SULF1: variants seen among roughly 807,000 people sequenced by gnomAD.
SULF1 encodes extracellular sulfatase Sulf-1.
SULF1 carries 46 observed loss-of-function variants against 110.5 expected under a neutral mutation model. That is an observed-to-expected ratio of 0.42 (90% confidence interval 0.33 to 0.53). SULF1 has a LOEUF of 0.53. SULF1 is among the 20% of genes least tolerant of loss of function. The pLI is 0.12. For missense variants in SULF1, 941 were observed against 1,094.2 expected (o/e 0.86, Z 1.98); for synonymous variants, 371 against 387.1 (o/e 0.96, Z 0.49).
intron 3 of SULF1, among the ~76,000 whole-genome samples, chr8:69,525,062 C>T (rs1005669545): frequency 6.6e-6 from 1 of 152,202 alleles, no homozygotes; most frequent in Non-Finnish European, 1.5e-5. Context: ...AGTGAACTTA[C>T]TTCAATGATA....
intron 13 of SULF1, among the ~76,000 whole-genome samples, chr8:69,605,934 C>T (rs992757007): frequency 6.6e-6 from 1 of 152,170 alleles, no homozygotes; most frequent in African/African-American, 2.4e-5. Flanking sequence ...ACTCAGGCCA[C>T]TTGCTGCCTT....
chr8:69,485,654 C>A (rs561480787), intron 1 of SULF1, among the ~76,000 whole-genome samples: 2 of 152,322 alleles, frequency 1.3e-5, no homozygotes, highest in African/African-American at 4.8e-5. Context: ...CCTCTGCAGT[C>A]GGCTTGTGTC....
intron 1 of SULF1, among the ~76,000 whole-genome samples, chr8:69,470,579 G>T (rs1054626147): frequency 4.0e-5 from 6 of 151,828 alleles, no homozygotes; most frequent in African/African-American, 1.2e-4. Context: ...TACCATCCCA[G>T]CGCAATGATC....
At chr8:69,627,725 G>C in intron 16 of SULF1, 47 bp from the exon 17 acceptor site, 1 of 1,300,460 alleles carries the variant, frequency 7.7e-7, no homozygotes, top group Non-Finnish European at 1.1e-6. Context: ...ACTTTGTAAA[G>C]AAAATCCTGA....
In SULF1 at chr8:69,629,499, A is replaced by T; in HGVS notation, c.2109-5A>T. The T allele has an allele frequency of 6.2e-7, 1 of 1,609,088 alleles. No individual in the cohort carries two copies. Among genetic ancestry groups the T allele is most frequent in the Non-Finnish European group, 8.5e-7 (1 of 1,178,004 alleles). Reference sequence around the variant, plus strand: ...CACTCAAAATAATCCCTTCTCTTGGAACAGGGAGGCTGCTCAGGAAGTAGA... The same window carrying T: ...CACTCAAAATAATCCCTTCTCTTGGTACAGGGAGGCTGCTCAGGAAGTAGA... On this transcript the variant is annotated splice_polypyrimidine_tract_variant and splice_region_variant and intron_variant, in intron 18 of 22. Transcript: ENST00000402687.
At chr8:69,490,762 G>C (rs774120172), upstream of SULF1, among the ~76,000 whole-genome samples, 1 of 150,744 alleles carries the variant, frequency 6.6e-6, no homozygotes, top group Non-Finnish European at 1.5e-5. Context: ...TTTCTAAGCT[G>C]TATGACCAGA....
rs112094498 is a variant in SULF1, at chr8:69,643,305, A to G, written c.2585+2464A>G. Among the ~76,000 whole-genome samples, 1,036 of 152,364 alleles carry G rather than the reference A, an allele frequency of 6.8e-3. 16 individuals are homozygous for G. The highest frequency in any genetic ancestry group is 0.024 in the African/African-American group (997 of 41,590). ...ACAAGTATGTACAGAAATGCCAGGAAAACTACTGTCTTCCAATGGGGTTCA... is the reference window on the plus strand; with the variant it reads ...ACAAGTATGTACAGAAATGCCAGGAGAACTACTGTCTTCCAATGGGGTTCA... On this transcript the variant is annotated intron_variant, in intron 22 of 22. Transcript: ENST00000402687.
At chr8:69,555,093 G>T (rs1222952652) in intron 3 of SULF1, among the ~76,000 whole-genome samples, 3 of 145,414 alleles carry the variant, frequency 2.1e-5, no homozygotes, top group Admixed American at 6.9e-5. Flanking sequence ...TAGGATATTT[G>T]ATTTTTTTAA....
At chr8:69,550,482 T>G (rs1814617544) in intron 3 of SULF1, among the ~76,000 whole-genome samples, 1 of 150,986 alleles carries the variant, frequency 6.6e-6, no homozygotes, top group African/African-American at 2.4e-5. Flanking sequence ...AAGAAAAAGG[T>G]GGAATGGTGA....
intron 1 of SULF1, among the ~76,000 whole-genome samples, chr8:69,483,979 G>T (rs1159924036): frequency 1.3e-5 from 2 of 152,114 alleles, no homozygotes; most frequent in Non-Finnish European, 2.9e-5. Flanking sequence ...CTATGACATA[G>T]AATTATCTTG....
At chr8:69,557,535 C>T (rs1001223804) in intron 3 of SULF1, among the ~76,000 whole-genome samples, 1 of 152,322 alleles carries the variant, frequency 6.6e-6, no homozygotes, top group South Asian at 2.1e-4. Flanking sequence ...TCAACCCTCA[C>T]TTCATCCTTC....
At chr8:69,477,547 TA>T (rs1233235877) in intron 1 of SULF1, among the ~76,000 whole-genome samples, 7 of 152,190 alleles carry the variant, frequency 4.6e-5, no homozygotes, top group African/African-American at 9.7e-5. Flanking sequence ...ATTCCCCTGG[TA>T]ACTTTTCAAG....
chr8:69,517,226 C>T (rs1811987722), intron 3 of SULF1, among the ~76,000 whole-genome samples: 1 of 152,142 alleles, frequency 6.6e-6, no homozygotes, highest in African/African-American at 2.4e-5. Flanking sequence ...TAGGAGCCCA[C>T]TCTCATGATA....
chr8:69,631,129 C>G (rs12548666), intron 19 of SULF1, among the ~76,000 whole-genome samples: 12 of 151,830 alleles, frequency 7.9e-5, no homozygotes, highest in Non-Finnish European at 1.8e-4. Flanking sequence ...TGGGAGGGAG[C>G]GTGTTCCAGG....
At chr8:69,531,336 A>G (rs1480404132) in intron 3 of SULF1, among the ~76,000 whole-genome samples, 2 of 152,190 alleles carry the variant, frequency 1.3e-5, no homozygotes, top group Admixed American at 6.5e-5. Flanking sequence ...TAATAACAGT[A>G]TCCCTTTTAA....
At chr8:69,644,685 C>T (rs59371540) in intron 22 of SULF1, among the ~76,000 whole-genome samples, 1 of 149,980 alleles carries the variant, frequency 6.7e-6, no homozygotes, top group Non-Finnish European at 1.5e-5. Context: ...GGCGTGAACC[C>T]GGGAGGCGGA....
chr8:69,550,456 A>G (rs913758299), intron 3 of SULF1, among the ~76,000 whole-genome samples: 1 of 152,120 alleles, frequency 6.6e-6, no homozygotes, highest in African/African-American at 2.4e-5. Flanking sequence ...GGAATTTGGA[A>G]ACTCAGGAGA....
At chr8:69,591,912 A>T (rs1180310059) in intron 8 of SULF1, among the ~76,000 whole-genome samples, 1 of 152,216 alleles carries the variant, frequency 6.6e-6, no homozygotes, top group African/African-American at 2.4e-5. Context: ...GCCTGGAAAT[A>T]CTATCTCATC....
intron 21 of SULF1, among the ~76,000 whole-genome samples, chr8:69,639,802 G>A (rs1401663484): frequency 6.6e-6 from 1 of 152,158 alleles, no homozygotes; most frequent in Admixed American, 6.5e-5. Context: ...AAGGGGTAGG[G>A]ATTCCCATCC....
Sources: gnomAD v4.1 joint callset for allele counts (sites outside exome capture counted in the v4.1 genomes callset) on GRCh38, gnomAD v4.1.1 for gene constraint, MANE v1.5 for transcripts, NCBI Gene and HGNC (gene_info 2026-07-23, HGNC 2026-07-21) for gene names.